The following FSIP2 variants were observed in gnomAD, a reference collection of about 807,000 sequenced individuals.
FSIP2 encodes the protein fibrous sheath interacting protein 2.
A neutral mutation model predicts 510.5 loss-of-function variants in FSIP2; 367 were observed. The ratio of observed to expected loss-of-function variants is 0.72; its 90% CI spans 0.66 to 0.78. The LOEUF is 0.78. Among genes scored for constraint, FSIP2 ranks in the 30% least tolerant of loss-of-function variants. The probability of loss-of-function intolerance (pLI) is 0.00; values close to 1 mark genes in which losing one functional copy is unlikely to be tolerated. For missense variants in FSIP2, 7,594 were observed against 7,901.7 expected (o/e 0.96, Z 1.48); for synonymous variants, 2,601 against 2,732.2 (o/e 0.95, Z 1.50).
At position 185,809,168 on chromosome 2, in the gene FSIP2, A is replaced by G. The variant is rs777687767; in HGVS notation, c.19827+35A>G. On this transcript the variant is annotated intron_variant, in intron 17 of 22. Transcript: ENST00000424728. ...AAAGCAATGGCATGAAAATGAGTGA[A>G]TAGTGAGACATGGTTCTTCTGTGAT... 12 of 1,510,612 alleles carry G rather than the reference A, an allele frequency of 7.9e-6. No homozygotes were observed. In the East Asian group the frequency reaches 2.8e-4, roughly 35 times the overall value. The allele number at this position is 1,510,612 out of a possible 1,614,324, so 93.6% of individuals were successfully genotyped here. A position where few individuals can be genotyped will look rare whatever the true frequency, so the allele number is the denominator to read the frequency against.
In FSIP2 at chr2:185,793,545, G is replaced by C; in HGVS notation, c.6409G>C (p.Gly2137Arg). The C allele has an allele frequency of 5.2e-6, 8 of 1,534,054 alleles. No individual in the cohort carries two copies. Among genetic ancestry groups the C allele is most frequent in the Non-Finnish European group, 7.0e-6 (8 of 1,145,556 alleles). ...SEENSEMFME[G>R]ANKIIPKLSV... ...AGAAAATTCTGAAATGTTCATGGAG[G>C]GTGCAAATAAGATTATTCCTAAGCT... The change falls in exon 16 of 23, where the codon GGT becomes CGT. Residue 2137 changes from glycine (G) to arginine (R), a missense_variant. By Grantham distance (125) the Gly-to-Arg change is moderately radical (BLOSUM62 -2). Coordinates refer to ENST00000424728, the MANE Select transcript of FSIP2 (RefSeq NM_173651.4).
chr2:185,786,962 A>G (rs1693001006), intron 15 of FSIP2, among the ~76,000 whole-genome samples: 1 of 151,864 alleles, frequency 6.6e-6, no homozygotes, highest in Non-Finnish European at 1.5e-5. Context: ...TCTATCTATC[A>G]TATTTCACTA....
At chr2:185,828,334 T>C (rs756857100) in intron 21 of FSIP2, 135 bp downstream of exon 21, 1 of 602,186 alleles carries the variant, frequency 1.7e-6, no homozygotes, top group Non-Finnish European at 3.0e-6. Flanking sequence ...TCACAATTTC[T>C]TACACCCTGT....
At chr2:185,777,574 ATCTT>A (rs1160236083) in intron 13 of FSIP2, among the ~76,000 whole-genome samples, 4 of 152,102 alleles carry the variant, frequency 2.6e-5, no homozygotes, top group African/African-American at 7.2e-5. Context: ...TTAAGAAAGT[ATCTT>A]TCTATTTCTA....
At chr2:185,783,428 G>A (rs1692897768) in intron 14 of FSIP2, among the ~76,000 whole-genome samples, 1 of 152,094 alleles carries the variant, frequency 6.6e-6, no homozygotes, top group Non-Finnish European at 1.5e-5. Flanking sequence ...TTTTAAAAAT[G>A]AACAAGCCAA....
rs200741996 is a variant in FSIP2 at position 185,811,519 on chromosome 2, GTTGT to G, written c.19828-2003_19828-2000del. 8.9e-4 allele frequency among the ~76,000 whole-genome samples: 134 copies of G among 151,374 alleles called. 1 individual carries two copies. Among genetic ancestry groups the G allele is most frequent in the East Asian group, 8.6e-3 (44 of 5,100 alleles). ...GCCATGTGGCAAAGAAAAAAAAAAG[GTTGT>G]TTGTTTGTTTGTTTGTTTGTTTTTT... On this transcript the variant is annotated intron_variant, in intron 17 of 22. Coordinates refer to ENST00000424728, the MANE Select transcript of FSIP2 (RefSeq NM_173651.4).
Position 185,789,274 on chromosome 2 carries a change from G to T in FSIP2, c.2138G>T (p.Arg713Leu). ...ETEVILESIL[R>L]EIMSDLTQAI... is the part of the protein sequence containing the mutation. ...GAAGTGATTTTAGAAAGCATTTTGC[G>T]AGAAATAATGTCTGATTTAACCCAG... is the stretch of plus-strand genomic sequence containing the variant. Residue 713 changes from arginine (R) to leucine (L), a missense_variant, in exon 16 of 23, where the codon CGA (arginine) becomes CTA (leucine). Transcript: ENST00000424728. The T allele has an allele frequency of 6.5e-7, 1 of 1,534,582 alleles. No individual in the cohort carries two copies. Among genetic ancestry groups the T allele is most frequent in the Non-Finnish European group, 8.7e-7 (1 of 1,145,914 alleles).
intron 13 of FSIP2, among the ~76,000 whole-genome samples, chr2:185,773,666 TG>T (rs1289822452): frequency 2.6e-4 from 40 of 152,342 alleles, no homozygotes; most frequent in Middle Eastern, 6.8e-3. Flanking sequence ...CAAGTTCTAT[TG>T]GCTGTTTTTA....
chr2:185,751,563 T>G (rs1692149242), intron 7 of FSIP2, among the ~76,000 whole-genome samples: 1 of 150,846 alleles, frequency 6.6e-6, no homozygotes, highest in Non-Finnish European at 1.5e-5. Flanking sequence ...GTAATTGAGG[T>G]GTTTGTAGCA....
At chr2:185,767,779 C>T (rs1380984739) in intron 13 of FSIP2, among the ~76,000 whole-genome samples, 1 of 152,006 alleles carries the variant, frequency 6.6e-6, no homozygotes, top group African/African-American at 2.4e-5. Context: ...ACATTTGTTT[C>T]TATATATTAG....
rs1692054574 is a variant in FSIP2 at position 185,747,381 on chromosome 2, A to G, written c.828A>G (p.Ile276Met). The G allele has an allele frequency of 6.5e-7, 1 of 1,532,402 alleles. No individual in the cohort carries two copies. The highest frequency in any genetic ancestry group is 1.2e-5 in the South Asian group (1 of 83,960). 94.9% of individuals were successfully genotyped at this position (1,532,402 alleles called of 1,614,324 possible). A position where few individuals can be genotyped will look rare whatever the true frequency, so the allele number is the denominator to read the frequency against. ...MAEDVKREER[I>M]EEQQHRNREE... ...AAGATGTTAAAAGAGAAGAGAGGATAGAAGAACAACAGCATAGAAACAGAG... is the reference window on the plus strand; with the variant it reads ...AAGATGTTAAAAGAGAAGAGAGGATGGAAGAACAACAGCATAGAAACAGAG... Residue 276 changes from isoleucine to methionine, a missense_variant, in exon 7 of 23, where the codon ATA (isoleucine) becomes ATG (methionine). By Grantham distance (10) the Ile-to-Met change is conservative. Coordinates refer to ENST00000424728, the MANE Select transcript of FSIP2 (RefSeq NM_173651.4).
chr2:185,740,424 G>C (rs984663726), intron 2 of FSIP2: 4 of 152,148 alleles, frequency 2.6e-5, no homozygotes, highest in African/African-American at 7.2e-5. Flanking sequence ...TGCTGAAGGA[G>C]GTTTAGTACA....
intron 14 of FSIP2, chr2:185,783,928 A>T (rs1021191996): frequency 2.0e-5 from 3 of 152,138 alleles, no homozygotes; most frequent in Non-Finnish European, 4.4e-5. Context: ...TAGCTTGATG[A>T]AAAATAAAGA....
chr2:185,756,302 A>G (rs1304960662), intron 9 of FSIP2, 24 bp downstream of exon 9: 6 of 862,696 alleles, frequency 7.0e-6, no homozygotes, highest in African/African-American at 1.7e-5. Context: ...GTGACAAGAA[A>G]CACTAGATAC....
chr2:185,743,895 C>T (rs781767465), intron 3 of FSIP2, among the ~76,000 whole-genome samples: 2 of 152,084 alleles, frequency 1.3e-5, no homozygotes, highest in African/African-American at 2.4e-5. Context: ...AGTGCAATGG[C>T]GCAATCATGG....
Position 185,802,143 on chromosome 2 carries a change from T to A in FSIP2, c.12837T>A (p.Ser4279=). Residue 4279 remains serine, a synonymous_variant, in exon 17 of 23, where the codon TCT becomes TCA. Coordinates refer to ENST00000424728, the MANE Select transcript of FSIP2 (RefSeq NM_173651.4). ...CAAGGACTCCACTGGATCCAGTGTC[T>A]ACTATTGTTACACAGGTTCTGAGTG... ...CHPRTPLDPV[S]TIVTQVLSEV... 1 of 1,533,160 alleles carries A rather than the reference T, an allele frequency of 6.5e-7. No homozygotes were observed. Among genetic ancestry groups the A allele is most frequent in the Non-Finnish European group, 8.7e-7 (1 of 1,144,896 alleles). 95.0% of individuals were successfully genotyped at this position (1,533,160 alleles called of 1,614,324 possible).
At chr2:185,737,433 T>G (rs987679891), upstream of FSIP2, among the ~76,000 whole-genome samples, 1 of 152,146 alleles carries the variant, frequency 6.6e-6, no homozygotes, top group African/African-American at 2.4e-5. Flanking sequence ...CAGGGAGATG[T>G]TATAAGGCTG....
rs1692192507 is a variant in FSIP2, at chr2:185,753,790, A to T, written c.939A>T (p.Gly313=). 8 of 1,479,288 alleles carry T rather than the reference A, an allele frequency of 5.4e-6. No homozygotes were observed. The highest frequency in any genetic ancestry group is 7.2e-6 in the Non-Finnish European group (8 of 1,107,878). The allele number at this position is 1,479,288 out of a possible 1,614,324, so 91.6% of individuals were successfully genotyped here. The stretch of plus-strand genomic sequence containing the variant: ...AAATGCAAGATACTGGCTTTAACGG[A>T]GAAGATATAGGAAAAAATACATTTA... ...LQKMQDTGFN[G]EDIGKNTFKY... The change falls in exon 8 of 23, where the codon GGA becomes GGT. Residue 313 remains glycine (G), a synonymous_variant. Transcript: ENST00000424728.
intron 13 of FSIP2, among the ~76,000 whole-genome samples, chr2:185,779,948 C>A: frequency 6.8e-6 from 1 of 147,754 alleles, no homozygotes; most frequent in African/African-American, 2.5e-5. Context: ...TTTCTTAGCA[C>A]TTTAAAGATA....
Sources: allele counts gnomAD v4.1 joint callset (sites outside exome capture counted in the v4.1 genomes callset), GRCh38; gene constraint gnomAD v4.1.1; transcripts MANE v1.5; gene names NCBI Gene and HGNC (gene_info 2026-07-23, HGNC 2026-07-21).